Variants in B3GLCT observed in about 807,000 individuals in gnomAD.
B3GLCT encodes beta 3-glucosyltransferase.
Under a neutral mutation model 63.4 loss-of-function variants are expected in B3GLCT, and 65 were observed. That is an observed-to-expected ratio of 1.03 (90% CI 0.84 to 1.26). B3GLCT has a LOEUF of 1.26. B3GLCT is among the 50% of genes most tolerant of loss of function. The probability of loss-of-function intolerance (pLI) is 0.00; values close to 1 mark genes in which losing one functional copy is unlikely to be tolerated. For synonymous variants in B3GLCT, 233 were observed against 219.2 expected, an observed-to-expected ratio of 1.06 and a Z score of -0.55; for missense variants, 577 against 604.8, an observed-to-expected ratio of 0.95 and a Z score of 0.48.
intron 1 of B3GLCT, 43 bp from the exon 2 acceptor site, chr13:31,215,008 G>T: frequency 6.5e-7 from 1 of 1,540,436 alleles, no homozygotes. Context: ...AACCTGAATT[G>T]CTAATTCTAA....
rs1280973502 is a variant in B3GLCT at position 31,331,341 on chromosome 13, A to G, written c.*1673A>G. ...TTACCACTGAGAGAACAACATGTTC[A>G]TTTGACATGATTGAAGCTGGCATCC... On this transcript the variant is annotated 3_prime_UTR_variant, in exon 15 of 15. Transcript: ENST00000343307. 4 of 152,222 alleles carry G rather than the reference A, an allele frequency of 2.6e-5. No individual in the cohort carries two copies. The highest frequency in any genetic ancestry group is 5.9e-5 in the Non-Finnish European group (4 of 68,048). 9.4% of individuals were successfully genotyped at this position (152,222 alleles called of 1,614,324 possible).
intron 1 of B3GLCT, among the ~76,000 whole-genome samples, chr13:31,213,874 T>G (rs756282462): frequency 6.6e-6 from 1 of 152,138 alleles, no homozygotes; most frequent in Non-Finnish European, 1.5e-5. Flanking sequence ...GAGGTTCACA[T>G]GGCTTACATT....
intron 11 of B3GLCT, among the ~76,000 whole-genome samples, chr13:31,285,939 A>G (rs982975823): frequency 2.6e-5 from 4 of 151,538 alleles, no homozygotes; most frequent in Non-Finnish European, 5.9e-5. Flanking sequence ...TGAAACACGT[A>G]TTGTAATGGT....
At chr13:31,289,685 AAAT>A (rs1873545484) in intron 12 of B3GLCT, among the ~76,000 whole-genome samples, 1 of 152,138 alleles carries the variant, frequency 6.6e-6, no homozygotes, top group Non-Finnish European at 1.5e-5. Flanking sequence ...GATAAAGGGG[AAAT>A]AATCTTTCCC....
intron 6 of B3GLCT, among the ~76,000 whole-genome samples, chr13:31,248,352 T>C (rs1043523246): frequency 6.6e-6 from 1 of 152,228 alleles, no homozygotes; most frequent in Non-Finnish European, 1.5e-5. Flanking sequence ...AGCTGTATAC[T>C]GAGCACTGTG....
rs76175017 is a variant in B3GLCT, at chr13:31,298,069, C to G, written c.1064+11250C>G. 3.3e-5 allele frequency among the ~76,000 whole-genome samples: 5 copies of G among 152,260 alleles called. No individual in the cohort carries two copies. The East Asian group carries it at 7.7e-4, about 24-fold the overall frequency. ...ATCAACTTGACTTTCAGCTGCTTTC[C>G]CCTCCCAGGAGATTGGGGGGTGGGA... On this transcript the variant is annotated intron_variant, in intron 12 of 14. Coordinates refer to ENST00000343307, the MANE Select transcript of B3GLCT (RefSeq NM_194318.4).
At chr13:31,212,586 A>G (rs141418096) in intron 1 of B3GLCT, among the ~76,000 whole-genome samples, 185 of 151,994 alleles carry the variant, frequency 1.2e-3, no homozygotes, top group Middle Eastern at 3.4e-3. Context: ...TGTCTGGCTA[A>G]TTTTGTAGAG....
At chr13:31,324,312 G>A (rs374062966) in intron 14 of B3GLCT, among the ~76,000 whole-genome samples, 6 of 152,192 alleles carry the variant, frequency 3.9e-5, no homozygotes, top group African/African-American at 1.4e-4. Flanking sequence ...TACGCTATCT[G>A]TCTTTTCACT....
At chr13:31,234,362 G>A (rs1398596955) in intron 4 of B3GLCT, among the ~76,000 whole-genome samples, 1 of 152,176 alleles carries the variant, frequency 6.6e-6, no homozygotes, top group African/African-American at 2.4e-5. Flanking sequence ...AGTGATAGAA[G>A]GGTACTTGGG....
chr13:31,230,483 A>G (rs1212918664), intron 4 of B3GLCT, among the ~76,000 whole-genome samples: 2 of 152,242 alleles, frequency 1.3e-5, no homozygotes, highest in African/African-American at 4.8e-5. Flanking sequence ...GTGGAAACAT[A>G]AACAGCCTTA....
intron 12 of B3GLCT, among the ~76,000 whole-genome samples, chr13:31,302,384 AC>A (rs1455692693): frequency 6.6e-6 from 1 of 151,168 alleles, no homozygotes; most frequent in Non-Finnish European, 1.5e-5. Flanking sequence ...GACGCAGAAG[AC>A]GGGTGATTTC....
chr13:31,243,695 T>C (rs996786017), intron 4 of B3GLCT, among the ~76,000 whole-genome samples: 1 of 152,214 alleles, frequency 6.6e-6, no homozygotes, highest in Non-Finnish European at 1.5e-5. Flanking sequence ...ATTTGTTTGC[T>C]CTCAATAATT....
intron 12 of B3GLCT, among the ~76,000 whole-genome samples, chr13:31,287,844 A>T (rs1873420792): frequency 6.6e-6 from 1 of 152,220 alleles, no homozygotes; most frequent in Admixed American, 6.5e-5. Flanking sequence ...TGAAAACTAC[A>T]TTCTTGATTG....
chr13:31,272,409 G>A (rs1468051578), intron 8 of B3GLCT, among the ~76,000 whole-genome samples: 4 of 151,392 alleles, frequency 2.6e-5, no homozygotes, highest in African/African-American at 9.7e-5. Context: ...GTAGAGATGG[G>A]GTTTCACCAT....
intron 12 of B3GLCT, among the ~76,000 whole-genome samples, chr13:31,290,243 AT>A (rs1291021754): frequency 1.3e-5 from 2 of 151,920 alleles, no homozygotes; most frequent in Non-Finnish European, 2.9e-5. Flanking sequence ...TATGTGCCAC[AT>A]TTTCTTTATC....
At chr13:31,326,877 T>C (rs1185824677) in intron 14 of B3GLCT, among the ~76,000 whole-genome samples, 3 of 152,264 alleles carry the variant, frequency 2.0e-5, no homozygotes, top group Non-Finnish European at 4.4e-5. Context: ...TTTTAATGCA[T>C]GTATAGCCTC....
intron 1 of B3GLCT, among the ~76,000 whole-genome samples, chr13:31,206,152 C>T (rs1325360717): frequency 6.6e-6 from 1 of 152,162 alleles, no homozygotes; most frequent in African/African-American, 2.4e-5. Context: ...GGCCTCAGCC[C>T]GTTGTGAAAA....
chr13:31,204,132 G>A (rs1868818256), intron 1 of B3GLCT, among the ~76,000 whole-genome samples: 2 of 152,238 alleles, frequency 1.3e-5, no homozygotes, highest in African/African-American at 4.8e-5. Flanking sequence ...TGGAAGAGAT[G>A]TTCAGGATGC....
At chr13:31,225,619 C>T (rs2137764109) in intron 3 of B3GLCT, among the ~76,000 whole-genome samples, 1 of 152,290 alleles carries the variant, frequency 6.6e-6, no homozygotes, top group African/African-American at 2.4e-5. Context: ...GAGCTCCCCT[C>T]CCCTTTAGCC....
Sources: gnomAD v4.1 joint callset for allele counts (sites outside exome capture counted in the v4.1 genomes callset) on GRCh38, gnomAD v4.1.1 for gene constraint, MANE v1.5 for transcripts, NCBI Gene and HGNC (gene_info 2026-07-23, HGNC 2026-07-21) for gene names.